Variants in PALS2 observed in about 807,000 individuals in gnomAD.
The protein encoded by PALS2 is protein PALS2.
In PALS2, 27 loss-of-function variants were observed where a neutral mutation model predicts 61.6. The ratio of observed to expected loss-of-function variants is 0.44; its 90% confidence interval spans 0.32 to 0.60. The LOEUF (loss-of-function observed/expected upper bound fraction) is 0.60, where lower values mean the gene tolerates loss of function less well. PALS2 is among the 20% of genes least tolerant of loss of function. The pLI, the probability that PALS2 is intolerant of heterozygous loss-of-function variation, is 0.05. For missense variants in PALS2, 554 were observed against 639.4 expected (o/e 0.87, Z 1.44); for synonymous variants, 236 against 218.6 (o/e 1.08, Z -0.70).
chr7:24,592,799 A>G (rs1783348246), intron 1 of PALS2, among the ~76,000 whole-genome samples: 1 of 152,152 alleles, frequency 6.6e-6, no homozygotes, highest in African/African-American at 2.4e-5. Context: ...TTAAAGCTTA[A>G]AAATGCTAGT....
intron 3 of PALS2, among the ~76,000 whole-genome samples, chr7:24,643,712 T>C (rs1001136783): frequency 6.6e-6 from 1 of 152,150 alleles, no homozygotes; most frequent in African/African-American, 2.4e-5. Context: ...CAGGCTATTG[T>C]CCTGCAGAAT....
intron 9 of PALS2, among the ~76,000 whole-genome samples, chr7:24,673,773 A>C (rs1035292710): frequency 6.6e-6 from 1 of 151,178 alleles, no homozygotes; most frequent in South Asian, 2.1e-4. Flanking sequence ...TATTTTTTCT[A>C]CTTTCTAATT....
rs1788469614 is a variant in PALS2 at position 24,691,424 on chromosome 7, T to TAC, written c.*3811_*3812insCA. 1 of 143,364 alleles carries TAC rather than the reference T, an allele frequency of 7.0e-6. No individual in the cohort carries two copies. Among genetic ancestry groups the TAC allele is most frequent in the Non-Finnish European group, 1.5e-5 (1 of 64,932 alleles). The allele number at this position is 143,364 out of a possible 1,614,324, so 8.9% of individuals were successfully genotyped here. On this transcript the variant is annotated 3_prime_UTR_variant, in exon 12 of 12. Transcript: ENST00000222644. ...GTGTGTGTATATATATATATATATA[T>TAC]ATATATATATATATATATATACAGC...
At position 24,693,732 on chromosome 7, in the gene PALS2, A is replaced by G. The variant is rs530290493; in HGVS notation, c.*6118A>G. The G allele has an allele frequency of 6.6e-6, 1 of 152,282 alleles. No individual in the cohort carries two copies. The highest frequency in any genetic ancestry group is 1.9e-4 in the East Asian group (1 of 5,184). 9.4% of individuals were successfully genotyped at this position (152,282 alleles called of 1,614,324 possible). A position where few individuals can be genotyped will look rare whatever the true frequency, so the allele number is the denominator to read the frequency against. Reference sequence around the variant, plus strand: ...CTGACTGGCTCCTGTCTCTTCAGTAACACTGATTTTTTTTTAAAGAAGTGA... The same window carrying G: ...CTGACTGGCTCCTGTCTCTTCAGTAGCACTGATTTTTTTTTAAAGAAGTGA... On this transcript the variant is annotated 3_prime_UTR_variant, in exon 12 of 12. Coordinates refer to ENST00000222644, the MANE Select transcript of PALS2 (RefSeq NM_001303037.2).
intron 1 of PALS2, chr7:24,597,295 T>G (rs1034797721): frequency 2.4e-4 from 37 of 152,268 alleles, no homozygotes; most frequent in Admixed American, 5.9e-4. Flanking sequence ...ACCTGAGAGA[T>G]AGCATCAGCA....
chr7:24,648,890 G>A (rs1372882633), intron 3 of PALS2, among the ~76,000 whole-genome samples: 1 of 146,008 alleles, frequency 6.8e-6, no homozygotes, highest in Admixed American at 6.8e-5. Context: ...AGGTGACAGA[G>A]TGAGACTCTG....
At chr7:24,657,427 T>G (rs995183391) in intron 5 of PALS2, among the ~76,000 whole-genome samples, 1 of 152,216 alleles carries the variant, frequency 6.6e-6, no homozygotes, top group Admixed American at 6.5e-5. Flanking sequence ...TAGTGGTATC[T>G]CACTGTGATT....
Position 24,690,751 on chromosome 7 carries a change from A to G in PALS2, c.*3137A>G, listed in dbSNP as rs1562673825. 1 of 152,148 alleles carries G rather than the reference A, an allele frequency of 6.6e-6. No individual in the cohort carries two copies. The highest frequency in any genetic ancestry group is 1.5e-5 in the Non-Finnish European group (1 of 68,014). The allele number at this position is 152,148 out of a possible 1,614,324, so 9.4% of individuals were successfully genotyped here. A position where few individuals can be genotyped will look rare whatever the true frequency, so the allele number is the denominator to read the frequency against. On this transcript the variant is annotated 3_prime_UTR_variant, in exon 12 of 12. Transcript: ENST00000222644. ...AATATCACATGTCAAATACATCAGG[A>G]CTTTGTTTATTTTGGCTAACTCTAA...
intron 5 of PALS2, among the ~76,000 whole-genome samples, chr7:24,652,970 C>T (rs1786235468): frequency 6.6e-6 from 1 of 152,154 alleles, no homozygotes; most frequent in African/African-American, 2.4e-5. Flanking sequence ...TTCTGAAGTT[C>T]TTCAACTTTC....
intron 1 of PALS2, among the ~76,000 whole-genome samples, chr7:24,615,154 C>G (rs1446420188): frequency 6.6e-6 from 1 of 151,718 alleles, no homozygotes; most frequent in African/African-American, 2.4e-5. Context: ...TAGTAAGATA[C>G]TAGTTTATAG....
chr7:24,615,580 G>A (rs544872121), intron 1 of PALS2, among the ~76,000 whole-genome samples: 1 of 151,778 alleles, frequency 6.6e-6, no homozygotes, highest in African/African-American at 2.4e-5. Context: ...TGTATGATAC[G>A]ACTGAATCAG....
intron 1 of PALS2, among the ~76,000 whole-genome samples, chr7:24,599,102 G>A (rs895390271): frequency 8.5e-5 from 13 of 152,206 alleles, no homozygotes; most frequent in South Asian, 4.2e-4. Context: ...TTTCATGATC[G>A]TGCAAACATA....
intron 1 of PALS2, among the ~76,000 whole-genome samples, chr7:24,603,982 TCTGA>T (rs1783804706): frequency 6.6e-6 from 1 of 152,094 alleles, no homozygotes; most frequent in Admixed American, 6.5e-5. Context: ...TAAAACGGAC[TCTGA>T]CTGGGCTCAG....
intron 3 of PALS2, among the ~76,000 whole-genome samples, chr7:24,645,411 A>G (rs1177609045): frequency 6.6e-6 from 1 of 152,164 alleles, no homozygotes; most frequent in African/African-American, 2.4e-5. Flanking sequence ...AGCTTTGTCA[A>G]AGATCAGATA....
At position 24,596,960 on chromosome 7, in the gene PALS2, T is replaced by C. The variant is rs890816420; in HGVS notation, c.-3+23367T>C. On this transcript the variant is annotated intron_variant, in intron 1 of 11. Coordinates refer to ENST00000222644, the MANE Select transcript of PALS2 (RefSeq NM_001303037.2). The surrounding 1 kb of genome is among the most constrained non-coding windows in gnomAD (Gnocchi z 4.5). ...CTTTTATGAAGTAGAATGAAAAGATTTGAAGAAGAATTAGATGTCTGGAGG... is the reference window on the plus strand; with the variant it reads ...CTTTTATGAAGTAGAATGAAAAGATCTGAAGAAGAATTAGATGTCTGGAGG... Among the ~76,000 whole-genome samples, 2 of 152,078 alleles carry C rather than the reference T, an allele frequency of 1.3e-5. No homozygotes were observed. Among genetic ancestry groups the C allele is most frequent in the Non-Finnish European group, 2.9e-5 (2 of 68,006 alleles).
rs1224083459 is a variant in PALS2 at position 24,689,584 on chromosome 7, T to C, written c.*1970T>C. 1.3e-5 allele frequency: 2 copies of C among 151,392 alleles called. No individual in the cohort carries two copies. The highest frequency in any genetic ancestry group is 2.1e-4 in the South Asian group (1 of 4,824). 9.4% of individuals were successfully genotyped at this position (151,392 alleles called of 1,614,324 possible). A position where few individuals can be genotyped will look rare whatever the true frequency, so the allele number is the denominator to read the frequency against. ...TTGGAAATCTATAGGTTTTTCTTTT[T>C]TTTTTTTTTTTTCTTTTTTTGATTC... On this transcript the variant is annotated 3_prime_UTR_variant, in exon 12 of 12. Coordinates refer to ENST00000222644, the MANE Select transcript of PALS2 (RefSeq NM_001303037.2).
chr7:24,623,249 T>G (rs1409345546), intron 1 of PALS2, among the ~76,000 whole-genome samples: 2 of 151,594 alleles, frequency 1.3e-5, no homozygotes, highest in East Asian at 1.9e-4. Context: ...TTTTAATTCT[T>G]TTTTAACTGT....
At chr7:24,644,095 C>CTTTTTTTTTTTTTTTTTTTTTTTTCT (rs59645237) in intron 3 of PALS2, among the ~76,000 whole-genome samples, 1 of 134,262 alleles carries the variant, frequency 7.4e-6, no homozygotes, top group African/African-American at 2.7e-5. Context: ...TTTCTTTTTT[C>CTTTTTTTTTTTTTTTTTTTTTTTTCT]TTTTTTTTTT....
chr7:24,616,791 T>C (rs1484598607), intron 1 of PALS2, among the ~76,000 whole-genome samples: 4 of 152,212 alleles, frequency 2.6e-5, no homozygotes, highest in African/African-American at 7.2e-5. Flanking sequence ...TCTGTAGTGA[T>C]GTTTTGATTT....
Sources: allele counts gnomAD v4.1 joint callset (sites outside exome capture counted in the v4.1 genomes callset), GRCh38; gene constraint gnomAD v4.1.1; non-coding constraint Gnocchi (gnomAD v3.1); transcripts MANE v1.5; gene names NCBI Gene and HGNC (gene_info 2026-07-23, HGNC 2026-07-21).